The following ZNF804A variants were observed in gnomAD, a reference collection of about 807,000 sequenced individuals.
The protein encoded by ZNF804A is zinc finger protein 804A.
A neutral mutation model predicts 16.5 loss-of-function variants in ZNF804A; 2 were observed. That is an observed-to-expected ratio of 0.12 (90% CI 0.05 to 0.38). The LOEUF (loss-of-function observed/expected upper bound fraction) is 0.38, where lower values mean the gene tolerates loss of function less well. Ranked by LOEUF, ZNF804A falls within the 10% of genes least tolerant of loss-of-function variation. The probability of loss-of-function intolerance (pLI) is 0.99; values close to 1 mark genes in which losing one functional copy is unlikely to be tolerated. For missense variants in ZNF804A, 1,473 were observed against 1,390.7 expected (o/e 1.06, Z -0.94); for synonymous variants, 534 against 489.6 (o/e 1.09, Z -1.20).
At chr2:184,813,919 A>ACATGCTT (rs985681590) in intron 1 of ZNF804A, among the ~76,000 whole-genome samples, 2 of 150,014 alleles carry the variant, frequency 1.3e-5, no homozygotes, top group Non-Finnish European at 3.0e-5. Flanking sequence ...TGCCTTCAGT[A>ACATGCTT]CATGCTTCAG....
At chr2:184,616,525 T>C (rs975448508) in intron 1 of ZNF804A, among the ~76,000 whole-genome samples, 3 of 152,176 alleles carry the variant, frequency 2.0e-5, no homozygotes, top group South Asian at 2.1e-4. Context: ...TTCCATCTTA[T>C]AGAAGAATTA....
intron 1 of ZNF804A, among the ~76,000 whole-genome samples, chr2:184,753,815 T>A (rs1340926156): frequency 6.6e-6 from 1 of 151,860 alleles, no homozygotes; most frequent in East Asian, 1.9e-4. Context: ...TAAGCTAACA[T>A]GTGGATGAAG....
At chr2:184,799,373 T>C (rs1177922159) in intron 1 of ZNF804A, among the ~76,000 whole-genome samples, 4 of 152,128 alleles carry the variant, frequency 2.6e-5, no homozygotes, top group Non-Finnish European at 4.4e-5. Context: ...GTGTATTATG[T>C]TATTTTATAT....
chr2:184,627,059 T>C (rs1691517721), intron 1 of ZNF804A, among the ~76,000 whole-genome samples: 1 of 152,272 alleles, frequency 6.6e-6, no homozygotes, highest in Middle Eastern at 3.4e-3. Flanking sequence ...AATGAATAAA[T>C]ACATAGTTCT....
chr2:184,901,074 C>T (rs1685174123), intron 2 of ZNF804A, among the ~76,000 whole-genome samples: 1 of 152,128 alleles, frequency 6.6e-6, no homozygotes, highest in African/African-American at 2.4e-5. Context: ...TAAAAATTAG[C>T]TCCCATTTTG....
chr2:184,911,869 C>T (rs1449876248), intron 2 of ZNF804A, among the ~76,000 whole-genome samples: 5 of 150,474 alleles, frequency 3.3e-5, no homozygotes, highest in African/African-American at 2.4e-5. Flanking sequence ...CCTTTTTTTC[C>T]TACAATTTTC....
intron 1 of ZNF804A, among the ~76,000 whole-genome samples, chr2:184,798,064 C>A (rs1694664484): frequency 7.0e-6 from 1 of 143,770 alleles, no homozygotes; most frequent in African/African-American, 2.6e-5. Context: ...GAAGATAGGG[C>A]CCCAATCCCT....
chr2:184,777,809 T>C (rs1468024480), intron 1 of ZNF804A, among the ~76,000 whole-genome samples: 2 of 151,640 alleles, frequency 1.3e-5, no homozygotes, highest in Non-Finnish European at 3.0e-5. Context: ...TTTTTATCTA[T>C]TCTTTTTCCT....
intron 1 of ZNF804A, among the ~76,000 whole-genome samples, chr2:184,847,016 A>G (rs1695529484): frequency 6.6e-6 from 1 of 152,304 alleles, no homozygotes; most frequent in African/African-American, 2.4e-5. Context: ...ATCACAGAAG[A>G]GAAATAGTTA....
At chr2:184,610,306 T>C (rs1170008575) in intron 1 of ZNF804A, among the ~76,000 whole-genome samples, 1 of 152,186 alleles carries the variant, frequency 6.6e-6, no homozygotes, top group African/African-American at 2.4e-5. Context: ...AAGTATTCTT[T>C]TATAGCAACA....
At position 184,745,034 on chromosome 2, in the gene ZNF804A, G is replaced by T. The variant is rs1459834785; in HGVS notation, c.112-121335G>T. ...TCACATATCTATTCAGTGGTTAAAA[G>T]TGCCTTTTAAAAACACTGTTGCTCT... On this transcript the variant is annotated intron_variant, in intron 1 of 3. Coordinates refer to ENST00000302277, the MANE Select transcript of ZNF804A (RefSeq NM_194250.2). Among the ~76,000 whole-genome samples, 4 of 151,712 alleles carry T rather than the reference G, an allele frequency of 2.6e-5. No individual in the cohort carries two copies. The South Asian group carries it at 8.3e-4, about 31-fold the overall frequency.
chr2:184,836,569 A>G (rs1336056136), intron 1 of ZNF804A, among the ~76,000 whole-genome samples: 1 of 152,122 alleles, frequency 6.6e-6, no homozygotes, highest in East Asian at 1.9e-4. Flanking sequence ...TTAAATATAA[A>G]TATCATAGAA....
intron 2 of ZNF804A, among the ~76,000 whole-genome samples, chr2:184,908,525 A>G (rs912758614): frequency 6.6e-6 from 1 of 152,158 alleles, no homozygotes; most frequent in Non-Finnish European, 1.5e-5. Flanking sequence ...GGATTAGGAA[A>G]TGAACATTTA....
chr2:184,756,313 C>T (rs1367105509), intron 1 of ZNF804A, among the ~76,000 whole-genome samples: 3 of 151,822 alleles, frequency 2.0e-5, no homozygotes, highest in Non-Finnish European at 4.4e-5. Flanking sequence ...AACTCCTGGG[C>T]TCAAATGATC....
At chr2:184,604,488 A>C (rs1316548462) in intron 1 of ZNF804A, among the ~76,000 whole-genome samples, 1 of 152,080 alleles carries the variant, frequency 6.6e-6, no homozygotes, top group Non-Finnish European at 1.5e-5. Context: ...TTTAATGAAA[A>C]TACAGATCAG....
At chr2:184,680,661 G>A (rs188615382) in intron 1 of ZNF804A, among the ~76,000 whole-genome samples, 2 of 152,246 alleles carry the variant, frequency 1.3e-5, no homozygotes, top group African/African-American at 4.8e-5. Context: ...TCTTTGTCTT[G>A]CTCAACCTTT....
At chr2:184,884,227 T>C (rs966282097) in intron 2 of ZNF804A, among the ~76,000 whole-genome samples, 2 of 151,996 alleles carry the variant, frequency 1.3e-5, no homozygotes, top group Admixed American at 6.6e-5. Context: ...ATAAAATACC[T>C]AGGAATATAG....
intron 1 of ZNF804A, among the ~76,000 whole-genome samples, chr2:184,809,711 CA>C (rs934548759): frequency 1.3e-4 from 20 of 151,698 alleles, no homozygotes; most frequent in African/African-American, 1.7e-4. Context: ...AAAAATGCTA[CA>C]AAAAATTATC....
chr2:184,904,994 T>C (rs1474020833), intron 2 of ZNF804A, among the ~76,000 whole-genome samples: 1 of 152,096 alleles, frequency 6.6e-6, no homozygotes, highest in Non-Finnish European at 1.5e-5. Context: ...TTGAACATTT[T>C]AGAAGGACTT....
Sources: allele counts gnomAD v4.1 joint callset (sites outside exome capture counted in the v4.1 genomes callset), GRCh38; gene constraint gnomAD v4.1.1; transcripts MANE v1.5; gene names NCBI Gene and HGNC (gene_info 2026-07-23, HGNC 2026-07-21).